Variants in ACO2 observed in about 807,000 individuals in gnomAD.
ACO2 encodes the protein aconitate hydratase, mitochondrial.
ACO2 carries 31 observed loss-of-function variants against 84.5 expected under a neutral mutation model. That is an observed-to-expected ratio of 0.37 (90% CI 0.28 to 0.50). The LOEUF (loss-of-function observed/expected upper bound fraction) is 0.50, where lower values mean the gene tolerates loss of function less well. Among genes scored for constraint, ACO2 ranks in the 20% least tolerant of loss-of-function variants. The pLI is 0.97. For missense variants in ACO2, 685 were observed against 1,029.3 expected, an observed-to-expected ratio of 0.67 and a Z score of 4.58; for synonymous variants, 414 against 412.7, an observed-to-expected ratio of 1.00 and a Z score of -0.04.
In ACO2 at chr22:41,470,528, C is replaced by CTTTT. The variant is rs71184811; in HGVS notation, c.36+1377_36+1380dup. On this transcript the variant is annotated intron_variant, in intron 1 of 17. Coordinates refer to ENST00000216254, the MANE Select transcript of ACO2 (RefSeq NM_001098.3). ...TTTGCACCTAATTATCTCTTTACATCTTTTTTTTTTTTTTTTTTTTTTTTT... is the reference window on the plus strand; with the variant it reads ...TTTGCACCTAATTATCTCTTTACATCTTTTTTTTTTTTTTTTTTTTTTTTTTTTT... Among the ~76,000 whole-genome samples the CTTTT allele has an allele frequency of 3.2e-3, 311 of 95,822 alleles. 11 individuals are homozygous for CTTTT. Among genetic ancestry groups the CTTTT allele is most frequent in the Middle Eastern group, 6.5e-3 (1 of 154 alleles). The allele number at this position is 95,822 out of a possible 152,430, so 62.9% of individuals were successfully genotyped here. A position where few individuals can be genotyped will look rare whatever the true frequency, so the allele number is the denominator to read the frequency against.
At chr22:41,496,029 A>C (rs1358878513) in intron 1 of ACO2, among the ~76,000 whole-genome samples, 1 of 151,958 alleles carries the variant, frequency 6.6e-6, no homozygotes, top group Non-Finnish European at 1.5e-5. Flanking sequence ...GATGAGTTGC[A>C]GGCCAGGTGT....
intron 1 of ACO2, among the ~76,000 whole-genome samples, chr22:41,471,344 C>T (rs2037943981): frequency 6.6e-6 from 1 of 152,162 alleles, no homozygotes; most frequent in South Asian, 2.1e-4. Flanking sequence ...TGCACACTGC[C>T]TCCCAATAAC....
At chr22:41,526,015 G>A (rs1028431427) in intron 14 of ACO2, 7 of 432,048 alleles carry the variant, frequency 1.6e-5, no homozygotes, top group East Asian at 3.6e-5. Context: ...AACTTTGGGC[G>A]GCCTCTGCCC....
At chr22:41,504,635 G>A (rs966357641) in intron 2 of ACO2, among the ~76,000 whole-genome samples, 1 of 149,158 alleles carries the variant, frequency 6.7e-6, no homozygotes, top group Admixed American at 6.7e-5. Flanking sequence ...CCTCAGGCTA[G>A]TGCTGTTTTT....
At chr22:41,518,402 T>C in intron 7 of ACO2, 79 bp from the exon 8 acceptor site, 3 of 1,092,792 alleles carry the variant, frequency 2.7e-6, no homozygotes, top group Non-Finnish European at 4.2e-6. Flanking sequence ...GTTTGGCAGG[T>C]GCTCAGGTGG....
At chr22:41,495,008 A>G (rs1439529438) in intron 1 of ACO2, among the ~76,000 whole-genome samples, 3 of 151,778 alleles carry the variant, frequency 2.0e-5, no homozygotes, top group Non-Finnish European at 2.9e-5. Context: ...TGCTGGAATT[A>G]TAGGCGTGAG....
chr22:41,513,612 G>A lies in ACO2; in HGVS notation c.525+1644G>A, dbSNP rs527564803. 6.8e-3 allele frequency among the ~76,000 whole-genome samples: 421 copies of A among 61,584 alleles called. 1 individual carries two copies. The highest frequency in any genetic ancestry group is 0.01 in the Non-Finnish European group (343 of 33,742). The allele number at this position is 61,584 out of a possible 152,430, so 40.4% of individuals were successfully genotyped here. On this transcript the variant is annotated intron_variant, in intron 4 of 17. Coordinates refer to ENST00000216254, the MANE Select transcript of ACO2 (RefSeq NM_001098.3). ...CCTCTGTGGGATCTCTTCACATTAT[G>A]TTCCAGCATCTGCCAAGTGCTTTCT...
Position 41,515,510 on chromosome 22 carries a change from T to A in ACO2, c.659T>A (p.Ile220Asn). The change falls in exon 5 of 18, where the codon ATC becomes AAC. Residue 220 changes from isoleucine (I) to asparagine (N), a missense_variant. Physicochemically the swap from Ile to Asn is moderately radical, Grantham distance 149. Around this residue, in one of 5 missense-constraint regions of ACO2, gnomAD observed 92 missense variants for 203.7 expected, o/e 0.45. Coordinates refer to ENST00000216254, the MANE Select transcript of ACO2 (RefSeq NM_001098.3). The surrounding 1 kb of genome is among the most constrained non-coding windows in gnomAD (Gnocchi z 5.8). Reference sequence around the variant, plus strand: ...GATGCTGTGGATGTCATGGCTGGGATCCCCTGGGAGCTGAAGTGCCCCAAG... The same window carrying A: ...GATGCTGTGGATGTCATGGCTGGGAACCCCTGGGAGCTGAAGTGCCCCAAG... ...GADAVDVMAG[I>N]PWELKCPKVI... 6.2e-7 allele frequency: 1 copy of A among 1,612,978 alleles called. No individual in the cohort carries two copies. The highest frequency in any genetic ancestry group is 8.5e-7 in the Non-Finnish European group (1 of 1,179,486).
chr22:41,485,135 C>G (rs2038136829), intron 1 of ACO2, among the ~76,000 whole-genome samples: 1 of 152,048 alleles, frequency 6.6e-6, no homozygotes, highest in Non-Finnish European at 1.5e-5. Flanking sequence ...CCTCAGCCTC[C>G]CAAAGTGCTG....
intron 1 of ACO2, among the ~76,000 whole-genome samples, chr22:41,490,003 A>C (rs1283486834): frequency 6.6e-6 from 1 of 152,150 alleles, no homozygotes; most frequent in African/African-American, 2.4e-5. Flanking sequence ...TCTGATTACA[A>C]AAGAAATGTA....
rs864309499 is a variant in ACO2, at chr22:41,526,319, C to T, written c.1819C>T (p.Arg607Cys). ...ISAAGPWLKF[R>C]GHLDNISNNL... ...AGCTGCTGGCCCCTGGCTCAAGTTC[C>T]GTGGGCACTTGGATAACATCTCCAA... is the stretch of plus-strand genomic sequence containing the variant. Residue 607 changes from arginine (R) to cysteine (C), a missense_variant, in exon 15 of 18, where the codon CGT becomes TGT. Around this residue, in one of 5 missense-constraint regions of ACO2, gnomAD observed 174 missense variants for 236.6 expected, o/e 0.74. Coordinates refer to ENST00000216254, the MANE Select transcript of ACO2 (RefSeq NM_001098.3). 3 of 1,612,900 alleles carry T rather than the reference C, an allele frequency of 1.9e-6. No homozygotes were observed. The highest frequency in any genetic ancestry group is 1.3e-5 in the African/African-American group (1 of 75,014).
At chr22:41,518,254 T>G (rs2066491237) in intron 7 of ACO2, among the ~76,000 whole-genome samples, 1 of 152,204 alleles carries the variant, frequency 6.6e-6, no homozygotes, top group Non-Finnish European at 1.5e-5. Flanking sequence ...CCTCCCCGGC[T>G]CTGAACCTTA....
At chr22:41,473,504 CAAGAAAAAGA>C (rs1313241030) in intron 1 of ACO2, among the ~76,000 whole-genome samples, 1 of 152,100 alleles carries the variant, frequency 6.6e-6, no homozygotes, top group Non-Finnish European at 1.5e-5. Context: ...AACTCTGTCT[CAAGAAAAAGA>C]AAGAAAAAGC....
intron 1 of ACO2, among the ~76,000 whole-genome samples, chr22:41,486,617 C>T (rs1334455592): frequency 2.6e-5 from 4 of 151,598 alleles, no homozygotes; most frequent in Non-Finnish European, 4.4e-5. Context: ...AGTACAGGCA[C>T]CCGCCACCGT....
rs2066596230 is a variant in ACO2, at chr22:41,526,369, C to T, written c.1869C>T (p.Asn623=). The change falls in exon 15 of 18, where the codon AAC becomes AAT. Residue 623 remains asparagine, a synonymous_variant. Transcript: ENST00000216254. ...ISNNLLIGAI[N]IENGKANSVR... ...ACAACCTGCTCATTGGTGCCATCAA[C>T]ATTGAAAACGGCAAGGCCAACTCCG... 6.2e-7 allele frequency: 1 copy of T among 1,613,818 alleles called. No homozygotes were observed. Among genetic ancestry groups the T allele is most frequent in the South Asian group, 1.1e-5 (1 of 91,054 alleles).
chr22:41,485,173 GGTTAA>G (rs1158149430), intron 1 of ACO2, among the ~76,000 whole-genome samples: 1 of 152,074 alleles, frequency 6.6e-6, no homozygotes. Flanking sequence ...CTCCTGGTCA[GGTTAA>G]GTTATCTTCA....
At chr22:41,474,258 G>A (rs1361416887) in intron 1 of ACO2, among the ~76,000 whole-genome samples, 1 of 150,576 alleles carries the variant, frequency 6.6e-6, no homozygotes, top group Non-Finnish European at 1.5e-5. Context: ...GGGTGAGCTT[G>A]ATTGAATTCA....
At chr22:41,517,789 G>A (rs1298919079) in intron 7 of ACO2, among the ~76,000 whole-genome samples, 158 bp downstream of exon 7, 1 of 152,202 alleles carries the variant, frequency 6.6e-6, no homozygotes, top group Non-Finnish European at 1.5e-5. Flanking sequence ...GGTGCAATAT[G>A]TTTCTGAGTA....
At chr22:41,477,651 C>T (rs1208550123) in intron 1 of ACO2, among the ~76,000 whole-genome samples, 2 of 152,120 alleles carry the variant, frequency 1.3e-5, no homozygotes, top group South Asian at 2.1e-4. Flanking sequence ...GGATAAAGTA[C>T]TTGGGGCAAA....
Sources: allele counts gnomAD v4.1 joint callset (sites outside exome capture counted in the v4.1 genomes callset), GRCh38; gene constraint gnomAD v4.1.1; regional missense constraint gnomAD v4.1.1; non-coding constraint Gnocchi (gnomAD v3.1); transcripts MANE v1.5; gene names NCBI Gene and HGNC (gene_info 2026-07-23, HGNC 2026-07-21).